The following DESI2 variants were observed in gnomAD, a reference collection of about 807,000 sequenced individuals.
DESI2 encodes the protein desumoylating isopeptidase 2.
A neutral mutation model predicts 24.1 loss-of-function variants in DESI2; 10 were observed. That is an observed-to-expected ratio of 0.41 (90% CI 0.26 to 0.70). The LOEUF is 0.70. DESI2 is among the 30% of genes least tolerant of loss of function. The probability of loss-of-function intolerance (pLI) is 0.29; values close to 1 mark genes in which losing one functional copy is unlikely to be tolerated. For missense variants in DESI2, 122 were observed against 234.9 expected (o/e 0.52, Z 3.14); for synonymous variants, 71 against 87.7 (o/e 0.81, Z 1.06).
intron 4 of DESI2, among the ~76,000 whole-genome samples, chr1:244,705,093 C>G (rs188051255): frequency 6.7e-4 from 102 of 152,132 alleles, no homozygotes; most frequent in Non-Finnish European, 1.9e-4. Flanking sequence ...GTGATAGACA[C>G]TGGAGAAAAG....
At chr1:244,666,954 A>G (rs1005478873) in intron 1 of DESI2, among the ~76,000 whole-genome samples, 1 of 152,166 alleles carries the variant, frequency 6.6e-6, no homozygotes, top group African/African-American at 2.4e-5. Flanking sequence ...CTTATTCACT[A>G]TCACGAGAAT....
intron 1 of DESI2, among the ~76,000 whole-genome samples, chr1:244,686,266 A>ATGTGTG (rs71574695): frequency 6.9e-6 from 1 of 145,408 alleles, no homozygotes; most frequent in African/African-American, 2.5e-5. Context: ...GTGTGTGTGT[A>ATGTGTG]TGTGTGTGTG....
intron 4 of DESI2, among the ~76,000 whole-genome samples, chr1:244,702,566 T>C (rs1299199934): frequency 6.6e-6 from 1 of 151,786 alleles, no homozygotes; most frequent in African/African-American, 2.4e-5. Context: ...TGGTACACTT[T>C]TATTTGAAAG....
chr1:244,706,012 G>A lies in DESI2; in HGVS notation c.*223G>A, dbSNP rs528445374. Reference sequence around the variant, plus strand: ...TGCCCTCTGTTTTTTTTATCCACTCGTAAATCTGGATTTATTTCTTCTGTT... The same window carrying A: ...TGCCCTCTGTTTTTTTTATCCACTCATAAATCTGGATTTATTTCTTCTGTT... On this transcript the variant is annotated 3_prime_UTR_variant, in exon 5 of 5. Coordinates refer to ENST00000302550, the MANE Select transcript of DESI2 (RefSeq NM_016076.5). The A allele has an allele frequency of 1.2e-3, 629 of 527,134 alleles. 5 individuals are homozygous for A. Among genetic ancestry groups the A allele is most frequent in the Non-Finnish European group, 5.9e-4 (174 of 295,782 alleles). 32.7% of individuals were successfully genotyped at this position (527,134 alleles called of 1,614,324 possible).
Position 244,653,138 on chromosome 1 carries a change from C to T in DESI2, c.-176C>T, listed in dbSNP as rs1295346230. The T allele has an allele frequency of 1.4e-5, 7 of 515,538 alleles. No homozygotes were observed. The highest frequency in any genetic ancestry group is 4.0e-5 in the African/African-American group (2 of 50,014). The allele number at this position is 515,538 out of a possible 1,614,324, so 31.9% of individuals were successfully genotyped here. On this transcript the variant is annotated 5_prime_UTR_variant, in exon 1 of 5. Transcript: ENST00000302550. ...GCCCCGTCCGCACAGACGCTCCTGTCGGCGGCGCCCGGGAGCGGCTCGGCT... is the reference window on the plus strand; with the variant it reads ...GCCCCGTCCGCACAGACGCTCCTGTTGGCGGCGCCCGGGAGCGGCTCGGCT...
chr1:244,683,529 T>G (rs1388268390), intron 1 of DESI2, among the ~76,000 whole-genome samples: 2 of 152,158 alleles, frequency 1.3e-5, no homozygotes, highest in South Asian at 4.1e-4. Context: ...GCCAGGGTGG[T>G]CTTGATCTCC....
chr1:244,708,272 G>A lies in DESI2; in HGVS notation c.*2483G>A, dbSNP rs969158974. On this transcript the variant is annotated 3_prime_UTR_variant, in exon 5 of 5. Transcript: ENST00000302550. ...AGTAATACATGTTAGAGGGTCAGAAGCTTCTGGTTTCTGCTGTTTGCTTTA... is the reference window on the plus strand; with the variant it reads ...AGTAATACATGTTAGAGGGTCAGAAACTTCTGGTTTCTGCTGTTTGCTTTA... 1 of 152,558 alleles carries A rather than the reference G, an allele frequency of 6.6e-6. No homozygotes were observed. The highest frequency in any genetic ancestry group is 2.4e-5 in the African/African-American group (1 of 41,428). The allele number at this position is 152,558 out of a possible 1,614,324, so 9.5% of individuals were successfully genotyped here. A position where few individuals can be genotyped will look rare whatever the true frequency, so the allele number is the denominator to read the frequency against.
chr1:244,686,676 G>A lies in DESI2; in HGVS notation c.115+7G>A. 6.4e-7 allele frequency: 1 copy of A among 1,564,894 alleles called. No individual in the cohort carries two copies. Among genetic ancestry groups the A allele is most frequent in the Non-Finnish European group, 8.8e-7 (1 of 1,135,134 alleles). ...ATTGAAGTCTATGGCAGAGGTACGT[G>A]TACACACAGTCTAAATATACTCTCT... On this transcript the variant is annotated splice_region_variant and intron_variant, in intron 2 of 4. Coordinates refer to ENST00000302550, the MANE Select transcript of DESI2 (RefSeq NM_016076.5).
chr1:244,682,490 G>A (rs1024446371), intron 1 of DESI2, among the ~76,000 whole-genome samples: 6 of 152,180 alleles, frequency 3.9e-5, no homozygotes, highest in South Asian at 2.1e-4. Flanking sequence ...GATATCCCAG[G>A]AAGTCTCCTA....
rs1336065477 is a variant in DESI2, at chr1:244,689,033, A to G, written c.116-216A>G. On this transcript the variant is annotated intron_variant, in intron 2 of 4. Coordinates refer to ENST00000302550, the MANE Select transcript of DESI2 (RefSeq NM_016076.5). The surrounding 1 kb of genome is among the most constrained non-coding windows in gnomAD (Gnocchi z 4.0). ...ATAAGAAAGGGAAATATGGCAGGCA[A>G]GAATATCTTTGAGTGTCTTCTGTTA... Among the ~76,000 whole-genome samples, 2 of 152,202 alleles carry G rather than the reference A, an allele frequency of 1.3e-5. No individual in the cohort carries two copies. Among genetic ancestry groups the G allele is most frequent in the African/African-American group, 4.8e-5 (2 of 41,462 alleles).
chr1:244,700,980 TGAG>T (rs1401922434), intron 4 of DESI2, among the ~76,000 whole-genome samples: 3 of 152,208 alleles, frequency 2.0e-5, no homozygotes, highest in African/African-American at 4.8e-5. Flanking sequence ...GATATTTAGC[TGAG>T]GAGATTTCCA....
chr1:244,697,107 C>T (rs1677246716), intron 4 of DESI2, among the ~76,000 whole-genome samples: 1 of 152,068 alleles, frequency 6.6e-6, no homozygotes, highest in Admixed American at 6.5e-5. Context: ...TGTTTTGTAC[C>T]TTTTTGTTGT....
chr1:244,653,395 C>A (rs1001139332), intron 1 of DESI2, 40 bp downstream of exon 1: 3 of 1,535,612 alleles, frequency 2.0e-6, no homozygotes, highest in Non-Finnish European at 2.6e-6. Flanking sequence ...CTGGCCCAGG[C>A]CGGCTTCCTC....
chr1:244,662,420 A>AT (rs564742622), intron 1 of DESI2, among the ~76,000 whole-genome samples: 28 of 152,266 alleles, frequency 1.8e-4, no homozygotes, highest in South Asian at 4.1e-4. Flanking sequence ...AAGTCCATAG[A>AT]TTTTTTTAAT....
At chr1:244,691,086 CT>C (rs1261200370) in intron 3 of DESI2, among the ~76,000 whole-genome samples, 1 of 152,054 alleles carries the variant, frequency 6.6e-6, no homozygotes, top group East Asian at 1.9e-4. Context: ...GTTTGGAGTC[CT>C]TTTAATTTTT....
intron 2 of DESI2, 28 bp downstream of exon 2, chr1:244,686,697 T>C (rs760845618): frequency 2.8e-6 from 4 of 1,447,048 alleles, no homozygotes; most frequent in African/African-American, 2.8e-5. Context: ...CTAAATATAC[T>C]CTCTGAAGAT....
At chr1:244,673,265 C>G (rs1319690431) in intron 1 of DESI2, among the ~76,000 whole-genome samples, 1 of 152,172 alleles carries the variant, frequency 6.6e-6, no homozygotes, top group Non-Finnish European at 1.5e-5. Context: ...GCATCTCTTT[C>G]TCTAACCAAC....
chr1:244,658,987 CAT>C, intron 1 of DESI2, among the ~76,000 whole-genome samples: 1 of 151,092 alleles, frequency 6.6e-6, no homozygotes. Context: ...TGAATTTTAA[CAT>C]AAATTAACTA....
At chr1:244,684,501 C>G (rs993644092) in intron 1 of DESI2, among the ~76,000 whole-genome samples, 5 of 151,992 alleles carry the variant, frequency 3.3e-5, no homozygotes, top group African/African-American at 1.2e-4. Context: ...ACTTATTTTT[C>G]AAAAATGTGA....
Sources: gnomAD v4.1 joint callset for allele counts (sites outside exome capture counted in the v4.1 genomes callset) on GRCh38, gnomAD v4.1.1 for gene constraint, Gnocchi (gnomAD v3.1) non-coding constraint, MANE v1.5 for transcripts, NCBI Gene and HGNC (gene_info 2026-07-23, HGNC 2026-07-21) for gene names.